HNF4G: variants seen among roughly 807,000 people sequenced by gnomAD.
The protein encoded by HNF4G is hepatocyte nuclear factor 4-gamma.
Under a neutral mutation model 50.9 loss-of-function variants are expected in HNF4G, and 21 were observed. The ratio of observed to expected loss-of-function variants is 0.41; its 90% CI spans 0.29 to 0.59. The LOEUF (loss-of-function observed/expected upper bound fraction) is 0.59, where lower values mean the gene tolerates loss of function less well. Ranked by LOEUF, HNF4G falls within the 20% of genes least tolerant of loss-of-function variation. The probability of loss-of-function intolerance (pLI) is 0.26; values close to 1 mark genes in which losing one functional copy is unlikely to be tolerated. For missense variants in HNF4G, 527 were observed against 559.4 expected, an observed-to-expected ratio of 0.94 and a Z score of 0.58; for synonymous variants, 198 against 185.6, an observed-to-expected ratio of 1.07 and a Z score of -0.54.
At chr8:75,515,745 C>G (rs1007482776) in intron 2 of HNF4G, among the ~76,000 whole-genome samples, 2 of 150,124 alleles carry the variant, frequency 1.3e-5, no homozygotes, top group Non-Finnish European at 3.0e-5. Context: ...GGATAATGAC[C>G]ACTGACATTC....
chr8:75,508,069 G>A (rs907467696), intron 2 of HNF4G, among the ~76,000 whole-genome samples: 3 of 151,494 alleles, frequency 2.0e-5, no homozygotes, highest in Non-Finnish European at 4.4e-5. Flanking sequence ...CCGTATCAAT[G>A]GCTAAACAAC....
At chr8:75,507,499 T>C (rs1805624737) in intron 2 of HNF4G, among the ~76,000 whole-genome samples, 7 of 152,226 alleles carry the variant, frequency 4.6e-5, no homozygotes, top group Admixed American at 3.9e-4. Flanking sequence ...GACCTCGTGA[T>C]CCACCTGCCT....
chr8:75,457,142 T>G (rs1279439590), intron 1 of HNF4G, among the ~76,000 whole-genome samples: 1 of 152,230 alleles, frequency 6.6e-6, no homozygotes, highest in African/African-American at 2.4e-5. Context: ...TTACCAAGCA[T>G]CTGAAGCATT....
intron 1 of HNF4G, among the ~76,000 whole-genome samples, chr8:75,541,196 A>G (rs545120034): frequency 6.6e-6 from 1 of 152,218 alleles, no homozygotes; most frequent in Admixed American, 6.5e-5. Context: ...GTAGGGACAT[A>G]TTTGCCATAA....
At chr8:75,529,674 C>CA (rs1806277469) in intron 2 of HNF4G, among the ~76,000 whole-genome samples, 1 of 151,774 alleles carries the variant, frequency 6.6e-6, no homozygotes, top group Non-Finnish European at 1.5e-5. Flanking sequence ...CAAAAAGAAA[C>CA]AGAAAAGGGT....
At chr8:75,484,949 G>A (rs1292918717) in intron 1 of HNF4G, among the ~76,000 whole-genome samples, 1 of 152,196 alleles carries the variant, frequency 6.6e-6, no homozygotes, top group Non-Finnish European at 1.5e-5. Context: ...ACAGTAGGCG[G>A]ACAGCTCCAA....
intron 1 of HNF4G, among the ~76,000 whole-genome samples, chr8:75,464,669 G>A (rs1234146916): frequency 6.6e-6 from 1 of 152,082 alleles, no homozygotes; most frequent in Non-Finnish European, 1.5e-5. Flanking sequence ...TAACTTTTAT[G>A]GAGTCTATCA....
intron 2 of HNF4G, among the ~76,000 whole-genome samples, chr8:75,520,001 T>G (rs1805998758): frequency 6.6e-6 from 1 of 152,172 alleles, no homozygotes; most frequent in South Asian, 2.1e-4. Flanking sequence ...TGTTTCTTTT[T>G]TTTCTCTCTT....
intron 2 of HNF4G, among the ~76,000 whole-genome samples, chr8:75,524,503 A>G (rs1367055574): frequency 2.0e-5 from 3 of 152,192 alleles, no homozygotes; most frequent in Non-Finnish European, 4.4e-5. Context: ...TACTTTATGT[A>G]TTTATGTCCA....
intron 2 of HNF4G, among the ~76,000 whole-genome samples, chr8:75,532,294 A>G (rs1329724612): frequency 1.3e-5 from 2 of 151,900 alleles, no homozygotes; most frequent in Non-Finnish European, 2.9e-5. Context: ...ATCATTTTCG[A>G]AGATTTATAC....
At chr8:75,467,893 A>G (rs1034123371) in intron 1 of HNF4G, among the ~76,000 whole-genome samples, 1 of 152,150 alleles carries the variant, frequency 6.6e-6, no homozygotes. Context: ...GACTTACAGA[A>G]TCTGCATTAG....
chr8:75,450,022 C>A (rs1811550114), intron 1 of HNF4G, among the ~76,000 whole-genome samples: 1 of 152,190 alleles, frequency 6.6e-6, no homozygotes, highest in Admixed American at 6.6e-5. Flanking sequence ...TTCCCCACCA[C>A]CTTAGCCTCT....
intron 2 of HNF4G, among the ~76,000 whole-genome samples, chr8:75,501,941 C>T (rs952344961): frequency 9.2e-5 from 14 of 151,750 alleles, no homozygotes; most frequent in Admixed American, 7.9e-4. Flanking sequence ...CAACCTCCGC[C>T]TCCCGGGTTC....
chr8:75,488,725 A>G (rs920261810), intron 1 of HNF4G, among the ~76,000 whole-genome samples: 2 of 152,204 alleles, frequency 1.3e-5, no homozygotes, highest in Non-Finnish European at 2.9e-5. Context: ...TGGATCAGCC[A>G]TTCTTAGTAG....
intron 2 of HNF4G, among the ~76,000 whole-genome samples, chr8:75,504,577 C>T (rs1356623538): frequency 6.6e-6 from 1 of 152,084 alleles, no homozygotes; most frequent in Non-Finnish European, 1.5e-5. Flanking sequence ...TATTAATTAT[C>T]TGCAACACAT....
In HNF4G at chr8:75,565,521, G is replaced by A. The variant is rs1807438622; in HGVS notation, c.*1425G>A. The A allele has an allele frequency of 6.6e-6, 1 of 152,112 alleles. No individual in the cohort carries two copies. Among genetic ancestry groups the A allele is most frequent in the Non-Finnish European group, 1.5e-5 (1 of 68,034 alleles). The allele number at this position is 152,112 out of a possible 1,614,324, so 9.4% of individuals were successfully genotyped here. On this transcript the variant is annotated 3_prime_UTR_variant, in exon 10 of 10. Transcript: ENST00000396423. ...AGACTGAGGAGTAGAGTTCATTGGA[G>A]TCTTAAACTCTCTGATATCACTTAA... is the stretch of plus-strand genomic sequence containing the variant.
At chr8:75,481,077 A>G (rs1235110891) in intron 1 of HNF4G, among the ~76,000 whole-genome samples, 1 of 152,194 alleles carries the variant, frequency 6.6e-6, no homozygotes, top group Non-Finnish European at 1.5e-5. Flanking sequence ...GGTGCTCTGC[A>G]GAGTCCTACA....
chr8:75,420,371 T>A (rs946109873), intron 1 of HNF4G, among the ~76,000 whole-genome samples: 1 of 152,254 alleles, frequency 6.6e-6, no homozygotes, highest in Non-Finnish European at 1.5e-5. Flanking sequence ...TAAAATCATC[T>A]GATTGGTTTC....
intron 1 of HNF4G, among the ~76,000 whole-genome samples, chr8:75,425,062 C>CTGTT (rs1554566854): frequency 2.1e-5 from 3 of 142,580 alleles, no homozygotes; most frequent in Non-Finnish European, 4.5e-5. Flanking sequence ...TCAATGCAGC[C>CTGTT]TATTTATTTA....
Sources: allele counts gnomAD v4.1 joint callset (sites outside exome capture counted in the v4.1 genomes callset), GRCh38; gene constraint gnomAD v4.1.1; transcripts MANE v1.5; gene names NCBI Gene and HGNC (gene_info 2026-07-23, HGNC 2026-07-21).